TEX2: variants seen among roughly 807,000 people sequenced by gnomAD.
TEX2 encodes the protein testis expressed 2.
A neutral mutation model predicts 106.9 loss-of-function variants in TEX2; 53 were observed. That is an observed-to-expected ratio of 0.50 (90% CI 0.40 to 0.62). TEX2 has a LOEUF of 0.62. TEX2 is among the 20% of genes least tolerant of loss of function. The pLI is 0.00. For synonymous variants in TEX2, 523 were observed against 534.8 expected, an observed-to-expected ratio of 0.98 and a Z score of 0.30; for missense variants, 1,207 against 1,379.0, an observed-to-expected ratio of 0.88 and a Z score of 1.98.
chr17:64,153,029 G>A lies in TEX2; in HGVS notation c.3056C>T (p.Thr1019Ile). ...TACTTCAACAGTGAGCAGCAGGGGT[G>A]TGTTGGAGACTTCTTCGATCTTCTT... ...IKKKIEEVSN[T>I]PLLLTVEVQE... The change falls in exon 10 of 12, where the codon ACA becomes ATA. Residue 1019 changes from threonine (T) to isoleucine (I), a missense_variant. By Grantham distance (89) the Thr-to-Ile change is moderately conservative (BLOSUM62 -1). Coordinates refer to ENST00000584379, the MANE Select transcript of TEX2 (RefSeq NM_001288732.2). The surrounding 1 kb of genome is among the most constrained non-coding windows in gnomAD (Gnocchi z 4.1). 6.2e-7 allele frequency: 1 copy of A among 1,614,202 alleles called. No homozygotes were observed. Among genetic ancestry groups the A allele is most frequent in the Non-Finnish European group, 8.5e-7 (1 of 1,180,022 alleles).
intron 5 of TEX2, among the ~76,000 whole-genome samples, chr17:64,182,944 C>T (rs537916494): frequency 7.0e-4 from 105 of 150,384 alleles, no homozygotes; most frequent in Non-Finnish European, 1.2e-3. Context: ...CTTGCTGTGT[C>T]ATCCAGGCTG....
intron 1 of TEX2, among the ~76,000 whole-genome samples, chr17:64,240,658 G>A (rs1201212359): frequency 6.6e-6 from 1 of 152,174 alleles, no homozygotes; most frequent in Admixed American, 6.5e-5. Context: ...GGGAATGAAA[G>A]GAATTCTACA....
Position 64,188,156 on chromosome 17 carries a change from A to G in TEX2, c.2424+12T>C. ...AAAAGTGAAAAAGGTCCGGCCCAGC[A>G]GCCAGCTTTACCTTCTTCCCAGCTG... On this transcript the variant is annotated intron_variant, in intron 5 of 11. Coordinates refer to ENST00000584379, the MANE Select transcript of TEX2 (RefSeq NM_001288732.2). 1.9e-6 allele frequency: 3 copies of G among 1,601,204 alleles called. No individual in the cohort carries two copies. Among genetic ancestry groups the G allele is most frequent in the Non-Finnish European group, 2.5e-6 (3 of 1,176,990 alleles).
At chr17:64,210,205 G>A (rs2032953823) in intron 2 of TEX2, among the ~76,000 whole-genome samples, 1 of 152,240 alleles carries the variant, frequency 6.6e-6, no homozygotes, top group Middle Eastern at 3.4e-3. Context: ...CAGCAACCAC[G>A]CGTGAGTCAT....
At position 64,197,358 on chromosome 17, in the gene TEX2, T is replaced by G. The variant is rs531753810; in HGVS notation, c.1645-2263A>C. 7.9e-5 allele frequency among the ~76,000 whole-genome samples: 12 copies of G among 152,282 alleles called. 1 individual carries two copies. In the East Asian group the frequency reaches 2.1e-3, roughly 27 times the overall value. The stretch of plus-strand genomic sequence containing the variant: ...CTTGAGTAAGCTTTGGTTTGTATCT[T>G]TCAAAGAGTTTATCTATTTTATCTA... On this transcript the variant is annotated intron_variant, in intron 2 of 11. Transcript: ENST00000584379.
intron 2 of TEX2, among the ~76,000 whole-genome samples, chr17:64,200,408 C>T (rs1444777610): frequency 1.3e-5 from 2 of 152,288 alleles, no homozygotes; most frequent in East Asian, 1.9e-4. Context: ...TTCAGGGATT[C>T]GGTTTTTAGC....
chr17:64,237,558 G>A (rs1000228865), intron 1 of TEX2, among the ~76,000 whole-genome samples: 1 of 152,166 alleles, frequency 6.6e-6, no homozygotes, highest in Admixed American at 6.5e-5. Context: ...GAGAGACAAT[G>A]GCAGCCCGGA....
chr17:64,166,073 C>T (rs1230187021), intron 7 of TEX2, among the ~76,000 whole-genome samples: 1 of 152,198 alleles, frequency 6.6e-6, no homozygotes, highest in Non-Finnish European at 1.5e-5. Context: ...ACGCTGCTGA[C>T]ACACCTGTGG....
intron 1 of TEX2, chr17:64,230,542 C>G (rs4968615): frequency 0.8 from 122,344 of 152,210 alleles, 49,407 homozygotes; most frequent in Middle Eastern, 0.89. Flanking sequence ...GGATTGCCCA[C>G]TGATGAGATG....
chr17:64,204,866 G>A (rs1475863193), intron 2 of TEX2, among the ~76,000 whole-genome samples: 2 of 152,260 alleles, frequency 1.3e-5, no homozygotes, highest in East Asian at 1.9e-4. Flanking sequence ...ATTCAGCCAT[G>A]CCATAAGTTA....
intron 2 of TEX2, among the ~76,000 whole-genome samples, chr17:64,203,721 G>A (rs1461078139): frequency 6.6e-6 from 1 of 152,070 alleles, no homozygotes; most frequent in African/African-American, 2.4e-5. Context: ...AATAAATGCT[G>A]CTCAAAGACA....
chr17:64,199,246 TA>T (rs1289173025), intron 2 of TEX2, among the ~76,000 whole-genome samples: 1 of 150,940 alleles, frequency 6.6e-6, no homozygotes, highest in Non-Finnish European at 1.5e-5. Context: ...ATTTTTACTT[TA>T]TTTTTTTGAG....
chr17:64,256,458 T>C (rs752889669), intron 1 of TEX2, among the ~76,000 whole-genome samples: 2 of 152,104 alleles, frequency 1.3e-5, no homozygotes, highest in Non-Finnish European at 2.9e-5. Flanking sequence ...GAGCCTGCCC[T>C]TCCCATATTC....
At chr17:64,170,917 A>C (rs1355836546) in intron 7 of TEX2, among the ~76,000 whole-genome samples, 183 bp downstream of exon 7, 2 of 152,140 alleles carry the variant, frequency 1.3e-5, no homozygotes, top group Non-Finnish European at 2.9e-5. Context: ...TTACAGGCGT[A>C]AGCCACCATG....
rs1054440215 is a variant in TEX2, at chr17:64,147,872, TAAAA to T, written c.*1093_*1096del. The T allele has an allele frequency of 2.6e-5, 4 of 152,506 alleles. No homozygotes were observed. Among genetic ancestry groups the T allele is most frequent in the African/African-American group, 9.7e-5 (4 of 41,396 alleles). 9.4% of individuals were successfully genotyped at this position (152,506 alleles called of 1,614,324 possible). A position where few individuals can be genotyped will look rare whatever the true frequency, so the allele number is the denominator to read the frequency against. On this transcript the variant is annotated 3_prime_UTR_variant, in exon 12 of 12. Coordinates refer to ENST00000584379, the MANE Select transcript of TEX2 (RefSeq NM_001288732.2). ...TGACGTTGAATGCAGCTTTAAACAATAAAAAAATGGTATTAGGTTTACTTCTCGA... is the reference window on the plus strand; with the variant it reads ...TGACGTTGAATGCAGCTTTAAACAATAAATGGTATTAGGTTTACTTCTCGA...
chr17:64,149,035 G>A lies in TEX2; in HGVS notation c.3318C>T (p.Ala1106=), dbSNP rs2030205448. ...GGCAGGAAGTAGAGCGAGGGTCCATGGCTGAGTGCATTATAGTGATATAAA... is the reference window on the plus strand; with the variant it reads ...GGCAGGAAGTAGAGCGAGGGTCCATAGCTGAGTGCATTATAGTGATATAAA... The part of the protein sequence containing the change: ...DDVYITIMHS[A]MDPRSTSCLL... Residue 1106 remains alanine, a synonymous_variant, in exon 12 of 12, where the codon GCC becomes GCT. Coordinates refer to ENST00000584379, the MANE Select transcript of TEX2 (RefSeq NM_001288732.2). 6.2e-7 allele frequency: 1 copy of A among 1,614,098 alleles called. No homozygotes were observed. The highest frequency in any genetic ancestry group is 8.5e-7 in the Non-Finnish European group (1 of 1,180,034).
At chr17:64,165,141 T>G (rs189562061) in intron 7 of TEX2, among the ~76,000 whole-genome samples, 1 of 152,344 alleles carries the variant, frequency 6.6e-6, no homozygotes, top group East Asian at 1.9e-4. Flanking sequence ...AATGGAACAT[T>G]TGATAACATT....
chr17:64,168,309 T>C (rs1284521587), intron 7 of TEX2, among the ~76,000 whole-genome samples: 1 of 152,236 alleles, frequency 6.6e-6, no homozygotes, highest in Non-Finnish European at 1.5e-5. Context: ...AAAAACCTGA[T>C]TTGATCAAAC....
chr17:64,189,992 A>T (rs940140974), intron 4 of TEX2, among the ~76,000 whole-genome samples: 2 of 149,918 alleles, frequency 1.3e-5, no homozygotes, highest in African/African-American at 5.0e-5. Context: ...CTCAAAAAAA[A>T]AAAAAAGAAA....
Sources: allele counts gnomAD v4.1 joint callset (sites outside exome capture counted in the v4.1 genomes callset), GRCh38; gene constraint gnomAD v4.1.1; non-coding constraint Gnocchi (gnomAD v3.1); transcripts MANE v1.5; gene names NCBI Gene and HGNC (gene_info 2026-07-23, HGNC 2026-07-21).